The following NR3C1 variants were observed in gnomAD, a reference collection of about 807,000 sequenced individuals.
NR3C1 encodes the protein glucocorticoid receptor.
In NR3C1, 14 loss-of-function variants were observed where a neutral mutation model predicts 74.0. The observed-to-expected ratio is 0.19, with a 90% CI of 0.12 to 0.30. The LOEUF (loss-of-function observed/expected upper bound fraction) is 0.30. Among genes scored for constraint, NR3C1 ranks in the 10% least tolerant of loss-of-function variants. NR3C1 has a pLI of 1.00. For synonymous variants in NR3C1, 308 were observed against 332.5 expected (o/e 0.93, Z 0.80); for missense variants, 695 against 909.8 (o/e 0.76, Z 3.04).
At chr5:143,417,078 C>T (rs986085154) in intron 1 of NR3C1, among the ~76,000 whole-genome samples, 2 of 152,078 alleles carry the variant, frequency 1.3e-5, no homozygotes, top group African/African-American at 4.8e-5. Context: ...TATTACTCTA[C>T]TTTCCATATT....
intron 2 of NR3C1, 77 bp downstream of exon 2, chr5:143,399,579 T>C (rs1358230240): frequency 1.2e-5 from 14 of 1,130,570 alleles, no homozygotes; most frequent in East Asian, 9.4e-5. Context: ...AGAACACATA[T>C]AAATCAATGA....
intron 2 of NR3C1, among the ~76,000 whole-genome samples, chr5:143,340,951 G>C (rs1462353361): frequency 6.6e-6 from 1 of 152,054 alleles, no homozygotes; most frequent in Non-Finnish European, 1.5e-5. Flanking sequence ...CCCAATAGTT[G>C]TATCTTTTCT....
At chr5:143,410,884 C>T (rs72801096) in intron 1 of NR3C1, among the ~76,000 whole-genome samples, 22,582 of 152,000 alleles carry the variant, frequency 0.15, 1,838 homozygotes, top group African/African-American at 0.17. Flanking sequence ...AGTAGTGCAC[C>T]GGAAACAATT....
In NR3C1 at chr5:143,279,226, T is replaced by C; in HGVS notation, c.*2663A>G. ...CCCACGTATCCTAAAAGGGCACAGC[T>C]TCTTTTCCCATTTAATGAAAAGCCT... On this transcript the variant is annotated 3_prime_UTR_variant, in exon 9 of 9. Coordinates refer to ENST00000394464, the MANE Select transcript of NR3C1 (RefSeq NM_000176.3). 2 of 965,912 alleles carry C rather than the reference T, an allele frequency of 2.1e-6. No individual in the cohort carries two copies. The highest frequency in any genetic ancestry group is 3.0e-6 in the Non-Finnish European group (2 of 669,526). 59.8% of individuals were successfully genotyped at this position (965,912 alleles called of 1,614,324 possible).
At chr5:143,402,147 C>T (rs115377707) in intron 1 of NR3C1, among the ~76,000 whole-genome samples, 2 of 152,292 alleles carry the variant, frequency 1.3e-5, no homozygotes, top group Admixed American at 6.5e-5. Context: ...TATCTCCCCA[C>T]CTCTCTGCCC....
intron 1 of NR3C1, among the ~76,000 whole-genome samples, chr5:143,424,281 G>A (rs1751416984): frequency 6.6e-6 from 1 of 152,018 alleles, no homozygotes; most frequent in South Asian, 2.1e-4. Flanking sequence ...TCAGATATGA[G>A]GAATAAGATC....
intron 1 of NR3C1, among the ~76,000 whole-genome samples, chr5:143,411,853 G>T (rs2151955491): frequency 6.6e-6 from 1 of 152,152 alleles, no homozygotes; most frequent in South Asian, 2.1e-4. Flanking sequence ...ATGAGTTGTA[G>T]GGGCTAAGGG....
At chr5:143,282,145 A>C (rs1416163418) in intron 8 of NR3C1, 104 bp from the exon 9 acceptor site, 13 of 1,161,716 alleles carry the variant, frequency 1.1e-5, no homozygotes, top group Admixed American at 1.8e-5. Flanking sequence ...CCTAGAATAT[A>C]CCAATCTCAC....
At chr5:143,426,528 T>C (rs1364491278) in intron 1 of NR3C1, among the ~76,000 whole-genome samples, 1 of 152,216 alleles carries the variant, frequency 6.6e-6, no homozygotes, top group Non-Finnish European at 1.5e-5. Context: ...ACACGTGTTT[T>C]GCATTCTAGT....
rs10482629 is a variant in NR3C1 at position 143,378,212 on chromosome 5, T to C, written c.1184+21444A>G. 2.9e-3 allele frequency among the ~76,000 whole-genome samples: 444 copies of C among 152,120 alleles called. 2 individuals carry two copies. Among genetic ancestry groups the C allele is most frequent in the Non-Finnish European group, 3.9e-3 (267 of 67,974 alleles). Reference sequence around the variant, plus strand: ...GCTGCAGTGATCCAAGTTTGCCCCATTGCACTCCAGCCTGGGTAACAGAGT... The same window carrying C: ...GCTGCAGTGATCCAAGTTTGCCCCACTGCACTCCAGCCTGGGTAACAGAGT... On this transcript the variant is annotated intron_variant, in intron 2 of 8. Transcript: ENST00000394464.
At chr5:143,377,649 G>A (rs1835445229) in intron 2 of NR3C1, among the ~76,000 whole-genome samples, 1 of 152,218 alleles carries the variant, frequency 6.6e-6, no homozygotes, top group Non-Finnish European at 1.5e-5. Context: ...AAGGTCCTTA[G>A]TAAGACCTTC....
chr5:143,403,092 C>G, intron 1 of NR3C1, 119 bp downstream of exon 1: 1 of 812,502 alleles, frequency 1.2e-6, no homozygotes, highest in Non-Finnish European at 1.5e-6. Flanking sequence ...CCCCCACCCC[C>G]ACTCCCCGAG....
chr5:143,332,966 A>G (rs1259801417), intron 2 of NR3C1: 2 of 1,585,848 alleles, frequency 1.3e-6, no homozygotes, highest in Non-Finnish European at 1.7e-6. Context: ...TGAAACGTGG[A>G]CAAGCCAAGG....
chr5:143,388,174 G>T (rs1175195895), intron 2 of NR3C1, among the ~76,000 whole-genome samples: 1 of 152,170 alleles, frequency 6.6e-6, no homozygotes, highest in East Asian at 1.9e-4. Context: ...ATTATGAAAA[G>T]CAATCCATTT....
intron 7 of NR3C1, among the ~76,000 whole-genome samples, chr5:143,287,329 A>G (rs1282147562): frequency 3.3e-5 from 5 of 152,164 alleles, no homozygotes; most frequent in African/African-American, 1.2e-4. Context: ...GGCACAAATT[A>G]TGAAAATCTA....
rs1295132686 is a variant in NR3C1 at position 143,403,242 on chromosome 5, T to A, written c.-45A>T. ...CAGAGGAGCCGCTCGCCCGCCACCG[T>A]CCGCAGTTCCCGCCGCAGCCGAGAT... is the stretch of plus-strand genomic sequence containing the variant. On this transcript the variant is annotated 5_prime_UTR_variant, in exon 1 of 9. Transcript: ENST00000394464. The A allele has an allele frequency of 3.0e-6, 3 of 985,118 alleles. No individual in the cohort carries two copies. The highest frequency in any genetic ancestry group is 6.1e-5 in the Admixed American group (1 of 16,266). The allele number at this position is 985,118 out of a possible 1,614,324, so 61.0% of individuals were successfully genotyped here. A position where few individuals can be genotyped will look rare whatever the true frequency, so the allele number is the denominator to read the frequency against.
At chr5:143,381,415 C>T (rs959864942) in intron 2 of NR3C1, among the ~76,000 whole-genome samples, 2 of 151,714 alleles carry the variant, frequency 1.3e-5, no homozygotes, top group African/African-American at 4.8e-5. Context: ...ATATCAATGA[C>T]ATTCTTCACA....
intron 1 of NR3C1, among the ~76,000 whole-genome samples, chr5:143,418,645 C>T (rs1751049054): frequency 6.6e-6 from 1 of 152,124 alleles, no homozygotes; most frequent in Non-Finnish European, 1.5e-5. Flanking sequence ...TGAAGGGGCA[C>T]AGGTCAGAAG....
intron 2 of NR3C1, among the ~76,000 whole-genome samples, chr5:143,376,761 T>G (rs1600399273): frequency 1.3e-5 from 2 of 152,218 alleles, no homozygotes; most frequent in Admixed American, 1.3e-4. Flanking sequence ...GGGAAGATGA[T>G]GTACAGAAAT....
Sources: gnomAD v4.1 joint callset for allele counts (sites outside exome capture counted in the v4.1 genomes callset) on GRCh38, gnomAD v4.1.1 for gene constraint, MANE v1.5 for transcripts, NCBI Gene and HGNC (gene_info 2026-07-23, HGNC 2026-07-21) for gene names.